CCDC93: variants seen among roughly 807,000 people sequenced by gnomAD.
The protein encoded by CCDC93 is coiled-coil domain-containing protein 93.
In CCDC93, 61 loss-of-function variants were observed where a neutral mutation model predicts 108.2. The ratio of observed to expected loss-of-function variants is 0.56; its 90% CI spans 0.46 to 0.70. CCDC93 has a LOEUF of 0.70. CCDC93 is among the 30% of genes least tolerant of loss of function. The pLI, the probability that CCDC93 is intolerant of heterozygous loss-of-function variation, is 0.00. For synonymous variants in CCDC93, 276 were observed against 260.4 expected, an observed-to-expected ratio of 1.06 and a Z score of -0.58; for missense variants, 685 against 764.2, an observed-to-expected ratio of 0.90 and a Z score of 1.22.
intron 23 of CCDC93, among the ~76,000 whole-genome samples, chr2:117,923,675 TG>T (rs1677969397): frequency 5.0e-5 from 5 of 100,544 alleles, no homozygotes; most frequent in African/African-American, 1.9e-4. Flanking sequence ...CCTGCCTGCC[TG>T]CCTGCCTCTA....
chr2:117,920,280 C>A lies in CCDC93; in HGVS notation c.*63G>T. ...GTCGCTTTCAGAACCATTTCATGAT[C>A]TTGTAGGTGATATACGGTGCTTAAA... is the stretch of plus-strand genomic sequence containing the variant. On this transcript the variant is annotated 3_prime_UTR_variant, in exon 24 of 24. Coordinates refer to ENST00000376300, the MANE Select transcript of CCDC93 (RefSeq NM_019044.5). 9.1e-7 allele frequency: 1 copy of A among 1,095,006 alleles called. No homozygotes were observed. The allele number at this position is 1,095,006 out of a possible 1,614,324, so 67.8% of individuals were successfully genotyped here.
chr2:117,927,977 T>A (rs1459718870), intron 23 of CCDC93, among the ~76,000 whole-genome samples: 1 of 152,186 alleles, frequency 6.6e-6, no homozygotes, highest in African/African-American at 2.4e-5. Flanking sequence ...CCATCTGATC[T>A]TTGACAAACC....
At chr2:117,943,930 T>C (rs1678783631) in intron 18 of CCDC93, 94 bp downstream of exon 18, 1 of 770,768 alleles carries the variant, frequency 1.3e-6, no homozygotes, top group Non-Finnish European at 2.1e-6. Flanking sequence ...TTATTTTCTC[T>C]AGTTCTTAGA....
intron 22 of CCDC93, among the ~76,000 whole-genome samples, chr2:117,931,931 G>A (rs778526064): frequency 2.4e-4 from 37 of 152,196 alleles, no homozygotes; most frequent in Non-Finnish European, 4.1e-4. Flanking sequence ...ACATGGCAAA[G>A]TCACTGCTCT....
chr2:118,010,562 T>C (rs1215688050), intron 1 of CCDC93, among the ~76,000 whole-genome samples: 1 of 152,144 alleles, frequency 6.6e-6, no homozygotes, highest in African/African-American at 2.4e-5. Flanking sequence ...CATACTTCAT[T>C]CCAGAACTCT....
chr2:118,013,182 C>A (rs1207570016), intron 1 of CCDC93, among the ~76,000 whole-genome samples: 1 of 152,240 alleles, frequency 6.6e-6, no homozygotes. Flanking sequence ...GTATTCCCAG[C>A]AAACGTGGAA....
intron 11 of CCDC93, among the ~76,000 whole-genome samples, chr2:117,959,837 G>A (rs568955476): frequency 1.8e-4 from 28 of 152,122 alleles, no homozygotes; most frequent in Non-Finnish European, 3.7e-4. Context: ...CTGGGAATTG[G>A]AATTAACTTT....
intron 17 of CCDC93, chr2:117,944,614 G>C: frequency 2.4e-6 from 1 of 413,872 alleles, no homozygotes; most frequent in Non-Finnish European, 5.0e-6. Context: ...GGCTGGATGA[G>C]ACATGGTAAG....
intron 17 of CCDC93, among the ~76,000 whole-genome samples, chr2:117,944,507 C>A (rs1388190353): frequency 6.6e-6 from 1 of 152,058 alleles, no homozygotes; most frequent in Non-Finnish European, 1.5e-5. Flanking sequence ...GCAGACAGTG[C>A]GGAACAGAAC....
At position 117,960,268 on chromosome 2, in the gene CCDC93, A is replaced by C. The variant is rs1222805451; in HGVS notation, c.889-1787T>G. On this transcript the variant is annotated intron_variant, in intron 11 of 23. Coordinates refer to ENST00000376300, the MANE Select transcript of CCDC93 (RefSeq NM_019044.5). ...CTAATTTCCCATACAGTATGTCTCTATGTTTGGTGTGAGGATTATGCTTCA... is the reference window on the plus strand; with the variant it reads ...CTAATTTCCCATACAGTATGTCTCTCTGTTTGGTGTGAGGATTATGCTTCA... Among the ~76,000 whole-genome samples, 3 of 152,078 alleles carry C rather than the reference A, an allele frequency of 2.0e-5. No homozygotes were observed. The East Asian group carries it at 5.8e-4, about 29-fold the overall frequency.
intron 12 of CCDC93, among the ~76,000 whole-genome samples, chr2:117,953,306 T>C (rs1353336799): frequency 6.6e-6 from 1 of 152,172 alleles, no homozygotes; most frequent in Non-Finnish European, 1.5e-5. Context: ...GCTACTAGTC[T>C]TCATGACTGA....
intron 11 of CCDC93, among the ~76,000 whole-genome samples, chr2:117,967,980 T>C (rs1301495488): frequency 3.9e-5 from 6 of 152,226 alleles, no homozygotes; most frequent in Admixed American, 6.5e-5. Context: ...ACAAAGAATC[T>C]GCATGGAGAG....
At position 117,919,287 on chromosome 2, in the gene CCDC93, G is replaced by C. The variant is rs913128368; in HGVS notation, c.*1056C>G. 1.3e-5 allele frequency: 2 copies of C among 152,076 alleles called. No homozygotes were observed. 9.4% of individuals were successfully genotyped at this position (152,076 alleles called of 1,614,324 possible). On this transcript the variant is annotated 3_prime_UTR_variant, in exon 24 of 24. Transcript: ENST00000376300. ...CCTCCTTTCCCAACATGCATGCCTTGTACTCCTCTGCACTCTCTTGGGTTT... is the reference window on the plus strand; with the variant it reads ...CCTCCTTTCCCAACATGCATGCCTTCTACTCCTCTGCACTCTCTTGGGTTT...
intron 12 of CCDC93, among the ~76,000 whole-genome samples, chr2:117,955,023 T>C (rs1573485590): frequency 6.6e-6 from 1 of 152,214 alleles, no homozygotes; most frequent in South Asian, 2.1e-4. Flanking sequence ...CTTTCCTTTA[T>C]AAATTACCCA....
chr2:117,978,803 T>C (rs1680024405), intron 7 of CCDC93, among the ~76,000 whole-genome samples: 1 of 152,078 alleles, frequency 6.6e-6, no homozygotes, highest in Admixed American at 6.5e-5. Context: ...ACGTCAGGAA[T>C]TTGAGACTAG....
chr2:117,978,785 A>T (rs1390064806), intron 7 of CCDC93, among the ~76,000 whole-genome samples: 1 of 152,156 alleles, frequency 6.6e-6, no homozygotes, highest in Non-Finnish European at 1.5e-5. Flanking sequence ...AGGCGGGCCT[A>T]TCACCTGACG....
At chr2:117,930,085 G>T (rs1390215203) in intron 23 of CCDC93, among the ~76,000 whole-genome samples, 1 of 152,212 alleles carries the variant, frequency 6.6e-6, no homozygotes, top group African/African-American at 2.4e-5. Context: ...ATGCCTATGG[G>T]ATGTGGCTTC....
rs191929076 is a variant in CCDC93, at chr2:117,975,238, T to C, written c.700A>G (p.Thr234Ala). 30 of 1,613,856 alleles carry C rather than the reference T, an allele frequency of 1.9e-5. No individual in the cohort carries two copies. Among genetic ancestry groups the C allele is most frequent in the Non-Finnish European group, 8.5e-7 (1 of 1,179,984 alleles). ...TCCTCGTGGGCATCAGCTTTTTCTG[T>C]AGCTGACAGCCCTGCTGGAAGTGCC... ...KTALPAGLSA[T>A]EKADAHEEDE... is the part of the protein sequence containing the mutation. The change falls in exon 9 of 24, where the codon ACA (threonine) becomes GCA (alanine). Residue 234 changes from threonine (T) to alanine (A), a missense_variant. Thr to Ala is a moderately conservative substitution (Grantham distance 58, BLOSUM62 0). Transcript: ENST00000376300.
intron 11 of CCDC93, among the ~76,000 whole-genome samples, chr2:117,972,565 G>A (rs919319333): frequency 1.3e-5 from 2 of 151,638 alleles, no homozygotes; most frequent in African/African-American, 2.4e-5. Flanking sequence ...GAGCTCCTAC[G>A]TGCTCCCTGT....
Sources: allele counts gnomAD v4.1 joint callset (sites outside exome capture counted in the v4.1 genomes callset), GRCh38; gene constraint gnomAD v4.1.1; transcripts MANE v1.5; gene names NCBI Gene and HGNC (gene_info 2026-07-23, HGNC 2026-07-21).